Variants in MS4A4E observed in about 807,000 individuals in gnomAD.
MS4A4E encodes membrane spanning 4-domains A4E.
In MS4A4E, 23 loss-of-function variants were observed where a neutral mutation model predicts 13.3. The observed-to-expected ratio is 1.73, with a 90% CI of 1.25 to 2.45. The LOEUF is 2.45. Ranked by LOEUF, MS4A4E falls within the 30% of genes most tolerant of loss-of-function variation. The probability of loss-of-function intolerance (pLI) is 0.00; values close to 1 mark genes in which losing one functional copy is unlikely to be tolerated. For synonymous variants in MS4A4E, 36 were observed against 45.6 expected, an observed-to-expected ratio of 0.79 and a Z score of 0.85; for missense variants, 144 against 131.2, an observed-to-expected ratio of 1.10 and a Z score of -0.48.
chr11:60,220,103 A>C (rs2084249814), intron 3 of MS4A4E, among the ~76,000 whole-genome samples: 1 of 152,216 alleles, frequency 6.6e-6, no homozygotes, highest in Admixed American at 6.5e-5. Context: ...GTAAATCAAC[A>C]ACAATATCCC....
chr11:60,225,102 G>C (rs922837433), intron 3 of MS4A4E: 2 of 1,514,812 alleles, frequency 1.3e-6, no homozygotes, highest in African/African-American at 2.7e-5. Context: ...ACCTAGAAAT[G>C]ATGAAAGCAA....
intron 1 of MS4A4E, among the ~76,000 whole-genome samples, chr11:60,231,991 G>C (rs2084416473): frequency 6.6e-6 from 1 of 151,856 alleles, no homozygotes; most frequent in African/African-American, 2.4e-5. Flanking sequence ...TGCAAAAAGT[G>C]ACACAATATG....
intron 1 of MS4A4E, among the ~76,000 whole-genome samples, chr11:60,231,248 TA>T (rs1468174289): frequency 6.6e-6 from 1 of 151,838 alleles, no homozygotes; most frequent in African/African-American, 2.4e-5. Context: ...TGAAAAGCAG[TA>T]AAATAAAAAG....
At chr11:60,232,178 T>C (rs2084418582) in intron 1 of MS4A4E, among the ~76,000 whole-genome samples, 1 of 150,912 alleles carries the variant, frequency 6.6e-6, no homozygotes, top group Admixed American at 6.6e-5. Flanking sequence ...TAGAAGAAAG[T>C]TTAAAAGATT....
intron 1 of MS4A4E, among the ~76,000 whole-genome samples, chr11:60,238,265 T>C (rs2084509119): frequency 2.0e-5 from 3 of 152,008 alleles, no homozygotes. Flanking sequence ...AAATGTTTAG[T>C]AAAATTCACC....
rs1043017388 is a variant in MS4A4E, at chr11:60,242,954, C to T, written c.-17+4G>A. The T allele has an allele frequency of 2.4e-5, 37 of 1,570,274 alleles. No individual in the cohort carries two copies. Among genetic ancestry groups the T allele is most frequent in the East Asian group, 6.8e-5 (3 of 44,124 alleles). On this transcript the variant is annotated splice_donor_region_variant and intron_variant, in intron 1 of 8. Coordinates refer to ENST00000651255, the MANE Select transcript of MS4A4E (RefSeq NM_001393391.1). ...AGCCTAGGAAGGCAAGTCCCTGGACCTACCTTTCTTCAGGCCTGCAATGTC... is the reference window on the plus strand; with the variant it reads ...AGCCTAGGAAGGCAAGTCCCTGGACTTACCTTTCTTCAGGCCTGCAATGTC...
At chr11:60,214,721 TATAAACAGG>T in intron 3 of MS4A4E, 107 bp from the exon 4 acceptor site, 1 of 568,248 alleles carries the variant, frequency 1.8e-6, no homozygotes, top group East Asian at 3.3e-5. Flanking sequence ...GATAGATATG[TATAAACAGG>T]TCAATTATCT....
At chr11:60,232,284 A>AACAC (rs3221531) in intron 1 of MS4A4E, among the ~76,000 whole-genome samples, 1,654 of 130,234 alleles carry the variant, frequency 0.013, 44 homozygotes, top group East Asian at 0.11. Context: ...CATCGCCATC[A>AACAC]ACACACACAC....
At chr11:60,229,476 C>T (rs2084381301) in intron 2 of MS4A4E, among the ~76,000 whole-genome samples, 1 of 152,042 alleles carries the variant, frequency 6.6e-6, no homozygotes, top group African/African-American at 2.4e-5. Flanking sequence ...GCCTGAGACT[C>T]CAGAAGGAAA....
intron 1 of MS4A4E, among the ~76,000 whole-genome samples, chr11:60,238,964 A>G (rs2084516284): frequency 2.6e-5 from 4 of 152,246 alleles, no homozygotes; most frequent in African/African-American, 7.2e-5. Flanking sequence ...TACAAAGAGA[A>G]ATAAAAACAT....
rs1048434289 is a variant in MS4A4E, at chr11:60,205,761, T to G, written c.543A>C (p.Gln181His). Among the ~76,000 whole-genome samples, 2 of 152,226 alleles carry G rather than the reference T, an allele frequency of 1.3e-5. No homozygotes were observed. Among genetic ancestry groups the G allele is most frequent in the African/African-American group, 4.8e-5 (2 of 41,458 alleles). Residue 181 changes from glutamine to histidine, a missense_variant, in exon 7 of 9, where the codon CAA (glutamine) becomes CAC (histidine). Transcript: ENST00000651255. ...CAACATTTAGTCTCTTTCCATCATA[T>G]TGCATCTGAATAGAAAGGAGGTAGC... ...FMCYLLSIQM[Q>H]YDGKRLNVDV...
chr11:60,203,626 G>A (rs2084009469), intron 8 of MS4A4E, among the ~76,000 whole-genome samples: 1 of 152,162 alleles, frequency 6.6e-6, no homozygotes, highest in African/African-American at 2.4e-5. Context: ...GTGTATGCCT[G>A]TAAGCCCAGC....
intron 1 of MS4A4E, among the ~76,000 whole-genome samples, chr11:60,235,682 A>C (rs2084474102): frequency 6.6e-6 from 1 of 152,250 alleles, no homozygotes; most frequent in Non-Finnish European, 1.5e-5. Context: ...TAAATGATCA[A>C]ACTATGGGCT....
At chr11:60,212,310 C>CT (rs35160855) in intron 5 of MS4A4E, among the ~76,000 whole-genome samples, 30,744 of 137,826 alleles carry the variant, frequency 0.22, 3,754 homozygotes, top group African/African-American at 0.32. Context: ...GCACTGACAT[C>CT]TTTTTTTTTT....
At chr11:60,237,188 A>G (rs947510426) in intron 1 of MS4A4E, among the ~76,000 whole-genome samples, 1 of 152,166 alleles carries the variant, frequency 6.6e-6, no homozygotes, top group Non-Finnish European at 1.5e-5. Context: ...ATAAGTGAGA[A>G]CATGCAGTAT....
At chr11:60,225,777 G>C (rs2084333288) in intron 3 of MS4A4E, among the ~76,000 whole-genome samples, 1 of 151,336 alleles carries the variant, frequency 6.6e-6, no homozygotes, top group African/African-American at 2.4e-5. Flanking sequence ...CTCCAAGTAA[G>C]CGGAAGAAAA....
At chr11:60,231,790 A>G (rs1590726230) in intron 1 of MS4A4E, among the ~76,000 whole-genome samples, 1 of 152,212 alleles carries the variant, frequency 6.6e-6, no homozygotes, top group African/African-American at 2.4e-5. Flanking sequence ...ATGCTTAGAA[A>G]GCAATTAGTC....
chr11:60,221,128 CT>C (rs2134946123), intron 3 of MS4A4E, among the ~76,000 whole-genome samples: 1 of 152,228 alleles, frequency 6.6e-6, no homozygotes, highest in African/African-American at 2.4e-5. Flanking sequence ...AACTACTTTC[CT>C]TTTTAGAAAG....
chr11:60,212,408 C>A (rs956466643), intron 5 of MS4A4E, among the ~76,000 whole-genome samples: 2 of 150,560 alleles, frequency 1.3e-5, no homozygotes, highest in South Asian at 4.2e-4. Context: ...CTCCTGGGTT[C>A]ACGCCATTCT....
Sources: allele counts gnomAD v4.1 joint callset (sites outside exome capture counted in the v4.1 genomes callset), GRCh38; gene constraint gnomAD v4.1.1; transcripts MANE v1.5; gene names NCBI Gene and HGNC (gene_info 2026-07-23, HGNC 2026-07-21).